KCNAB2: variants seen among roughly 807,000 people sequenced by gnomAD.
The protein encoded by KCNAB2 is potassium voltage-gated channel subfamily A regulatory beta subunit 2.
KCNAB2 carries 29 observed loss-of-function variants against 63.6 expected under a neutral mutation model. The ratio of observed to expected loss-of-function variants is 0.46; its 90% CI spans 0.34 to 0.62. The LOEUF is 0.62. Among genes scored for constraint, KCNAB2 ranks in the 20% least tolerant of loss-of-function variants. The pLI is 0.01. For synonymous variants in KCNAB2, 222 were observed against 224.2 expected (o/e 0.99, Z 0.09); for missense variants, 359 against 563.9 (o/e 0.64, Z 3.68).
Position 6,098,703 on chromosome 1 carries a change from TC to T in KCNAB2, c.*130del, listed in dbSNP as rs1043774816. ...GAGAAAACACCACACTGTGATGTCA[TC>T]GGGAAATGATCTCCCAAGTCGCTGC... On this transcript the variant is annotated 3_prime_UTR_variant, in exon 16 of 16. Transcript: ENST00000378083. The T allele has an allele frequency of 3.5e-5, 42 of 1,186,726 alleles. No individual in the cohort carries two copies. The African/African-American group carries it at 5.4e-4, about 15-fold the overall frequency. The allele number at this position is 1,186,726 out of a possible 1,614,324, so 73.5% of individuals were successfully genotyped here.
Position 6,099,709 on chromosome 1 carries a change from C to G in KCNAB2, c.*1135C>G. 5 of 1,408,140 alleles carry G rather than the reference C, an allele frequency of 3.6e-6. No homozygotes were observed. Among genetic ancestry groups the G allele is most frequent in the Non-Finnish European group, 4.7e-6 (5 of 1,067,750 alleles). 87.2% of individuals were successfully genotyped at this position (1,408,140 alleles called of 1,614,324 possible). ...GTTTTCTGTGCCCATGACTTGGGGG[C>G]TGCACCCCCACAGCACCCCCACAAT... On this transcript the variant is annotated 3_prime_UTR_variant, in exon 16 of 16. Transcript: ENST00000378083.
chr1:6,030,856 GTA>G, upstream of KCNAB2, among the ~76,000 whole-genome samples: 1 of 148,258 alleles, frequency 6.7e-6, no homozygotes, highest in African/African-American at 2.6e-5. Flanking sequence ...GTATGTGTGT[GTA>G]TGTATGTGTA....
intron 9 of KCNAB2, 60 bp from the exon 10 acceptor site, chr1:6,091,203 C>A: frequency 1.6e-6 from 2 of 1,277,248 alleles, no homozygotes; most frequent in Non-Finnish European, 2.2e-6. Flanking sequence ...CGTCGTGCCA[C>A]GCCTCTCAGT....
At chr1:6,064,064 C>T (rs1382300111) in intron 2 of KCNAB2, among the ~76,000 whole-genome samples, 1 of 152,172 alleles carries the variant, frequency 6.6e-6, no homozygotes, top group Non-Finnish European at 1.5e-5. Flanking sequence ...CCGATGTTGC[C>T]AGCCTTTGTG....
rs1232943486 is a variant in KCNAB2, at chr1:6,098,485, G to A, written c.1159G>A (p.Val387Ile). Residue 387 changes from valine to isoleucine, a missense_variant and splice_region_variant, in exon 16 of 16, where the codon GTC becomes ATC. Physicochemically the swap from Val to Ile is conservative, Grantham distance 29 (BLOSUM62 3). Transcript: ENST00000378083. The part of the protein sequence containing the change: ...QLMENIGAIQ[V>I]LPKLSSSIIH... ...GATTTGTTGTTGTTCTTGCACGCAG[G>A]TCCTTCCGAAACTGTCATCTTCCAT... 4 of 1,613,748 alleles carry A rather than the reference G, an allele frequency of 2.5e-6. No individual in the cohort carries two copies. The highest frequency in any genetic ancestry group is 1.7e-5 in the Admixed American group (1 of 59,958).
chr1:6,094,265 A>G lies in KCNAB2; in HGVS notation c.647-135A>G, dbSNP rs1210259040. The G allele has an allele frequency of 4.7e-6, 3 of 644,976 alleles. No homozygotes were observed. In the East Asian group the frequency reaches 8.3e-5, roughly 18 times the overall value. 40.0% of individuals were successfully genotyped at this position (644,976 alleles called of 1,614,324 possible). On this transcript the variant is annotated intron_variant, in intron 10 of 15. Transcript: ENST00000378083. ...CCCACACCCAACTTCAGAGCCAGGA[A>G]GTACACTGCTTGCAAGACATCTTCG... is the stretch of plus-strand genomic sequence containing the variant.
Position 6,035,590 on chromosome 1 carries a change from G to A in KCNAB2, c.-53+796G>A, listed in dbSNP as rs990515503. Among the ~76,000 whole-genome samples, 49 of 152,086 alleles carry A rather than the reference G, an allele frequency of 3.2e-4. No individual in the cohort carries two copies. Among genetic ancestry groups the A allele is most frequent in the African/African-American group, 1.2e-3 (48 of 41,410 alleles). On this transcript the variant is annotated intron_variant, in intron 1 of 15. Coordinates refer to the KCNAB2 transcript ENST00000164247. The surrounding 1 kb of genome is among the most constrained non-coding windows in gnomAD (Gnocchi z 5.0). The stretch of plus-strand genomic sequence containing the variant: ...CCGGGAGTGGGACTGACACCTGGGA[G>A]GGTGGGGAGCTCGTTACTCATCTGG...
intron 1 of KCNAB2, among the ~76,000 whole-genome samples, chr1:6,004,101 T>C (rs1395507889): frequency 6.6e-6 from 1 of 152,226 alleles, no homozygotes; most frequent in Non-Finnish European, 1.5e-5. Context: ...TGCAGACATT[T>C]CAGCCTCGAG....
At chr1:6,055,876 G>A (rs968206201) in intron 2 of KCNAB2, among the ~76,000 whole-genome samples, 1 of 152,198 alleles carries the variant, frequency 6.6e-6, no homozygotes, top group African/African-American at 2.4e-5. Context: ...GTCAGCGACT[G>A]GGCTGGGTCA....
At chr1:6,052,630 C>A (rs1254970771) in intron 2 of KCNAB2, among the ~76,000 whole-genome samples, 1 of 152,138 alleles carries the variant, frequency 6.6e-6, no homozygotes, top group Non-Finnish European at 1.5e-5. Flanking sequence ...CAGCGCTCTG[C>A]TAGCCACCGT....
Position 6,045,910 on chromosome 1 carries a change from C to G in KCNAB2, c.-300C>G, listed in dbSNP as rs965100024. On this transcript the variant is annotated 5_prime_UTR_variant, in exon 1 of 16. Transcript: ENST00000378083. The surrounding 1 kb of genome is among the most constrained non-coding windows in gnomAD (Gnocchi z 4.8). ...GGGAGTCAGCCTTGCCAGGTTGCAG[C>G]ACGGAACTGCACTTCCCGAGCTTTT... 3.0e-6 allele frequency: 3 copies of G among 985,460 alleles called. No homozygotes were observed. Among genetic ancestry groups the G allele is most frequent in the Non-Finnish European group, 3.6e-6 (3 of 829,946 alleles). 61.0% of individuals were successfully genotyped at this position (985,460 alleles called of 1,614,324 possible). A position where few individuals can be genotyped will look rare whatever the true frequency, so the allele number is the denominator to read the frequency against.
At chr1:6,011,715 G>A (rs1658158576) in intron 1 of KCNAB2, among the ~76,000 whole-genome samples, 1 of 152,256 alleles carries the variant, frequency 6.6e-6, no homozygotes, top group African/African-American at 2.4e-5. Flanking sequence ...GTCCAGGCAG[G>A]AGCTTCCAAG....
intron 1 of KCNAB2, among the ~76,000 whole-genome samples, chr1:6,014,925 C>T (rs927039043): frequency 5.3e-5 from 8 of 151,944 alleles, no homozygotes; most frequent in African/African-American, 1.9e-4. Flanking sequence ...ATGTGGGGCT[C>T]CAGCCCCCAG....
chr1:6,095,441 T>C lies in KCNAB2; in HGVS notation c.851T>C (p.Ile284Thr). ...EVQLPELFHK[I>T]GVGAMTWSPL... ...CAGCTGCCGGAGCTGTTCCACAAGA[T>C]AGGTGGGCACCCTCGGGCCCCTCGC... The change falls in exon 12 of 16, where the codon ATA (isoleucine) becomes ACA (threonine). Residue 284 changes from isoleucine to threonine, a missense_variant and splice_region_variant. Ile to Thr is a moderately conservative substitution (Grantham distance 89). Around this residue, in one of 2 missense-constraint regions of KCNAB2, gnomAD observed 271 missense variants for 476.1 expected, o/e 0.57. Transcript: ENST00000378083. 2 of 1,612,946 alleles carry C rather than the reference T, an allele frequency of 1.2e-6. No individual in the cohort carries two copies. The highest frequency in any genetic ancestry group is 1.7e-6 in the Non-Finnish European group (2 of 1,180,006).
chr1:6,016,373 C>A (rs765335759), intron 1 of KCNAB2, among the ~76,000 whole-genome samples: 33 of 152,210 alleles, frequency 2.2e-4, no homozygotes, highest in Non-Finnish European at 4.3e-4. Context: ...CTTGGCTCTT[C>A]CCCAGCTTCC....
chr1:6,083,516 G>A (rs1420461131), intron 5 of KCNAB2, among the ~76,000 whole-genome samples: 3 of 152,186 alleles, frequency 2.0e-5, no homozygotes, highest in Non-Finnish European at 2.9e-5. Context: ...CGGGCCTCTC[G>A]GAAGCCGCTT....
At chr1:6,060,773 C>T (rs1464839575) in intron 2 of KCNAB2, among the ~76,000 whole-genome samples, 3 of 151,990 alleles carry the variant, frequency 2.0e-5, no homozygotes, top group Admixed American at 6.6e-5. Context: ...CATGGTGGCA[C>T]GTGCCTGTAG....
At chr1:6,052,149 C>T (rs941043879) in intron 2 of KCNAB2, among the ~76,000 whole-genome samples, 2 of 151,996 alleles carry the variant, frequency 1.3e-5, no homozygotes, top group Admixed American at 6.5e-5. Context: ...AGGCCAGGCA[C>T]GGTGGCTCAT....
In KCNAB2 at chr1:6,073,721, G is replaced by A; in HGVS notation, c.263-12G>A. On this transcript the variant is annotated splice_polypyrimidine_tract_variant and intron_variant, in intron 3 of 15. Coordinates refer to ENST00000378083, the MANE Select transcript of KCNAB2 (RefSeq NM_001199862.2). This position sits in a 1 kb window ranked among gnomAD's most constrained non-coding sequence, Gnocchi z 5.7. ...CCAGGTTCCTAACTTGAGCCCCTGT[G>A]TCTCCTTCCAGGAACATGGGTGACC... is the stretch of plus-strand genomic sequence containing the variant. The A allele has an allele frequency of 6.2e-7, 1 of 1,614,142 alleles. No homozygotes were observed. The highest frequency in any genetic ancestry group is 8.5e-7 in the Non-Finnish European group (1 of 1,179,994).
Sources: gnomAD v4.1 joint callset for allele counts (sites outside exome capture counted in the v4.1 genomes callset) on GRCh38, gnomAD v4.1.1 for gene constraint, gnomAD v4.1.1 regional missense constraint, Gnocchi (gnomAD v3.1) non-coding constraint, MANE v1.5 for transcripts, NCBI Gene and HGNC (gene_info 2026-07-23, HGNC 2026-07-21) for gene names.